The following MORN1 variants were observed in gnomAD, a reference collection of about 807,000 sequenced individuals.
MORN1 encodes the protein MORN repeat-containing protein 1.
Under a neutral mutation model 61.9 loss-of-function variants are expected in MORN1, and 67 were observed. The ratio of observed to expected loss-of-function variants is 1.08; its 90% CI spans 0.89 to 1.33. The LOEUF is 1.33. Ranked by LOEUF, MORN1 falls within the 40% of genes most tolerant of loss-of-function variation. The pLI, the probability that MORN1 is intolerant of heterozygous loss-of-function variation, is 0.00. For missense variants in MORN1, 752 were observed against 691.2 expected (o/e 1.09, Z -0.99); for synonymous variants, 301 against 292.0 (o/e 1.03, Z -0.31).
chr1:2,377,942 AG>A (rs1642279260), intron 6 of MORN1: 1 of 152,302 alleles, frequency 6.6e-6, no homozygotes, highest in African/African-American at 2.4e-5. Context: ...CCAGCTGCCC[AG>A]CCCCCTCAGG....
In MORN1 at chr1:2,383,684, G is replaced by A. The variant is rs144012821; in HGVS notation, c.537+1294C>T. Reference sequence around the variant, plus strand: ...GCGCTGCGTTTAGAGACCTGCACGCGTGGTTCCTATCTGTTAGTGCTGCTG... The same window carrying A: ...GCGCTGCGTTTAGAGACCTGCACGCATGGTTCCTATCTGTTAGTGCTGCTG... On this transcript the variant is annotated intron_variant, in intron 6 of 13. Transcript: ENST00000378531. 1.4e-4 allele frequency among the ~76,000 whole-genome samples: 22 copies of A among 152,144 alleles called. 1 individual carries two copies. The East Asian group carries it at 3.7e-3, about 26-fold the overall frequency.
At chr1:2,379,398 T>C (rs1570035022) in intron 6 of MORN1, among the ~76,000 whole-genome samples, 1 of 152,338 alleles carries the variant, frequency 6.6e-6, no homozygotes, top group African/African-American at 2.4e-5. Flanking sequence ...AGGGCAGTTC[T>C]AAGAGGCAAC....
intron 6 of MORN1, chr1:2,378,717 G>C (rs1269554719): frequency 2.8e-6 from 1 of 359,040 alleles, no homozygotes; most frequent in Non-Finnish European, 5.5e-6. Flanking sequence ...CCTCTACTCT[G>C]TCTGCTCCGT....
rs577770563 is a variant in MORN1, at chr1:2,386,051, C to T, written c.359-154G>A. The T allele has an allele frequency of 4.6e-6, 3 of 651,208 alleles. No homozygotes were observed. The Admixed American group carries it at 7.0e-5, about 15-fold the overall frequency. The allele number at this position is 651,208 out of a possible 1,614,324, so 40.3% of individuals were successfully genotyped here. On this transcript the variant is annotated intron_variant, in intron 4 of 13. Transcript: ENST00000378531. ...CCCCCCAGGAACATGACAGACCCTC[C>T]AGACCTGGCTACACAGAGGCCTCAG...
At chr1:2,387,385 C>T (rs761864078) in intron 4 of MORN1, 34 bp downstream of exon 4, 3 of 1,526,540 alleles carry the variant, frequency 2.0e-6, no homozygotes, top group Non-Finnish European at 1.8e-6. Context: ...AAAGCGCCCA[C>T]CCTCACAGCA....
chr1:2,349,458 A>T (rs1366761434), intron 10 of MORN1, among the ~76,000 whole-genome samples: 1 of 152,214 alleles, frequency 6.6e-6, no homozygotes, highest in Non-Finnish European at 1.5e-5. Flanking sequence ...CCGAAGTCTG[A>T]GTTCATTTCC....
rs149761185 is a variant in MORN1, at chr1:2,327,151, A to AAC, written c.1251-3010_1251-3009dup. Among the ~76,000 whole-genome samples, 15 of 118,732 alleles carry AAC rather than the reference A, an allele frequency of 1.3e-4. 1 individual carries two copies. In the South Asian group the frequency reaches 3.5e-3, roughly 27 times the overall value. The allele number at this position is 118,732 out of a possible 152,430, so 77.9% of individuals were successfully genotyped here. A position where few individuals can be genotyped will look rare whatever the true frequency, so the allele number is the denominator to read the frequency against. On this transcript the variant is annotated intron_variant, in intron 12 of 13. Transcript: ENST00000378531. ...AAACACAGAAACACAGAGACACAGAAACAGAAACACACAGACAGAAACAAA... is the reference window on the plus strand; with the variant it reads ...AAACACAGAAACACAGAGACACAGAAACACAGAAACACACAGACAGAAACAAA...
chr1:2,388,754 G>A (rs1345277589), intron 2 of MORN1, among the ~76,000 whole-genome samples: 1 of 140,762 alleles, frequency 7.1e-6, no homozygotes, highest in African/African-American at 2.6e-5. Context: ...CTCCAGCCTG[G>A]GCGACAGAGC....
rs1325816397 is a variant in MORN1 at position 2,386,181 on chromosome 1, G to A, written c.359-284C>T. The stretch of plus-strand genomic sequence containing the variant: ...GCCCTGGGGTCCAGTTCTGAAAGGT[G>A]CGGTTGAGGGGCCCTGCGGACTGCC... On this transcript the variant is annotated intron_variant, in intron 4 of 13. Coordinates refer to ENST00000378531, the MANE Select transcript of MORN1 (RefSeq NM_024848.3). The A allele has an allele frequency of 1.8e-5, 8 of 440,592 alleles. 1 individual carries two copies. The South Asian group carries it at 1.9e-4, about 11-fold the overall frequency. 27.3% of individuals were successfully genotyped at this position (440,592 alleles called of 1,614,324 possible).
chr1:2,384,971 CG>C lies in MORN1; in HGVS notation c.537+6del. On this transcript the variant is annotated splice_donor_region_variant and intron_variant, in intron 6 of 13. Coordinates refer to ENST00000378531, the MANE Select transcript of MORN1 (RefSeq NM_024848.3). The stretch of plus-strand genomic sequence containing the variant: ...CTGGGCAGCAGGTGCCGCGCGCCCC[CG>C]GGTACCTTGTAGGTGGAGCCGTCGG... 6.4e-7 allele frequency: 1 copy of C among 1,561,734 alleles called. No individual in the cohort carries two copies. Among genetic ancestry groups the C allele is most frequent in the Non-Finnish European group, 8.7e-7 (1 of 1,153,426 alleles).
chr1:2,333,813 A>G lies in MORN1; in HGVS notation c.1250+2656T>C, dbSNP rs188327412. On this transcript the variant is annotated intron_variant, in intron 12 of 13. Transcript: ENST00000378531. Reference sequence around the variant, plus strand: ...GGACCCTGCCTGGAACCACTCGGCCACGACACAGCGAGGGTTCCTTGAATG... The same window carrying G: ...GGACCCTGCCTGGAACCACTCGGCCGCGACACAGCGAGGGTTCCTTGAATG... Among the ~76,000 whole-genome samples the G allele has an allele frequency of 2.9e-4, 44 of 152,352 alleles. No individual in the cohort carries two copies. In the East Asian group the frequency reaches 8.3e-3, roughly 29 times the overall value.
chr1:2,328,574 T>C (rs1641083573), intron 12 of MORN1, among the ~76,000 whole-genome samples: 1 of 152,218 alleles, frequency 6.6e-6, no homozygotes, highest in Non-Finnish European at 1.5e-5. Flanking sequence ...CCCTGCCTGC[T>C]GTGCAGGAGG....
At chr1:2,343,961 C>T (rs976856235) in intron 10 of MORN1, among the ~76,000 whole-genome samples, 17 of 60,806 alleles carry the variant, frequency 2.8e-4, no homozygotes, top group African/African-American at 9.4e-4. Flanking sequence ...GTGACTGAGG[C>T]GGGACTGGGC....
chr1:2,378,905 G>A (rs907403126), intron 6 of MORN1: 13 of 455,852 alleles, frequency 2.9e-5, no homozygotes, highest in Non-Finnish European at 4.4e-5. Flanking sequence ...GGCCTGAGCC[G>A]CGTGGCTCCT....
At chr1:2,353,476 C>T (rs1025820638) in intron 10 of MORN1, among the ~76,000 whole-genome samples, 3 of 152,224 alleles carry the variant, frequency 2.0e-5, no homozygotes, top group Admixed American at 6.5e-5. Context: ...GAGCTGCCTC[C>T]GACCTCGGGG....
chr1:2,336,094 C>T (rs548276487), intron 12 of MORN1, among the ~76,000 whole-genome samples: 23 of 152,342 alleles, frequency 1.5e-4, no homozygotes, highest in African/African-American at 5.3e-4. Flanking sequence ...TCACAGAGTC[C>T]CCTCAAGCCA....
intron 8 of MORN1, among the ~76,000 whole-genome samples, chr1:2,360,447 A>G (rs1014434731): frequency 6.6e-6 from 1 of 152,190 alleles, no homozygotes; most frequent in Non-Finnish European, 1.5e-5. Flanking sequence ...CGTGGACTCT[A>G]TAATTGCCCT....
chr1:2,378,575 G>A (rs971519761), intron 6 of MORN1: 4 of 244,050 alleles, frequency 1.6e-5, no homozygotes, highest in Middle Eastern at 3.1e-3. Context: ...GGCACCCAGC[G>A]GCAACTCCGG....
intron 4 of MORN1, 86 bp from the exon 5 acceptor site, chr1:2,385,983 G>A (rs1055279699): frequency 2.5e-6 from 3 of 1,217,742 alleles, no homozygotes; most frequent in African/African-American, 1.5e-5. Context: ...TTGGAGGGCG[G>A]GCAGGAGCAA....
Sources: gnomAD v4.1 joint callset for allele counts (sites outside exome capture counted in the v4.1 genomes callset) on GRCh38, gnomAD v4.1.1 for gene constraint, MANE v1.5 for transcripts, NCBI Gene and HGNC (gene_info 2026-07-23, HGNC 2026-07-21) for gene names.